Variants in KHDRBS3 observed in about 807,000 individuals in gnomAD.
KHDRBS3 encodes the protein KH RNA binding domain containing, signal transduction associated 3, also known as KH domain-containing, RNA-binding, signal transduction-associated protein 3.
KHDRBS3 carries 23 observed loss-of-function variants against 45.6 expected under a neutral mutation model. That is an observed-to-expected ratio of 0.50 (90% confidence interval 0.36 to 0.72). The LOEUF (loss-of-function observed/expected upper bound fraction) is 0.72. Ranked by LOEUF, KHDRBS3 falls within the 30% of genes least tolerant of loss-of-function variation. The pLI, the probability that KHDRBS3 is intolerant of heterozygous loss-of-function variation, is 0.00. For missense variants in KHDRBS3, 352 were observed against 424.8 expected, an observed-to-expected ratio of 0.83 and a Z score of 1.51; for synonymous variants, 162 against 156.5, an observed-to-expected ratio of 1.04 and a Z score of -0.26.
chr8:135,648,993 A>G (rs565777326), downstream of KHDRBS3, among the ~76,000 whole-genome samples: 40 of 152,314 alleles, frequency 2.6e-4, no homozygotes, highest in Non-Finnish European at 4.3e-4. Context: ...AAAAAATTAC[A>G]CAGATATGCT....
chr8:135,485,830 G>A (rs1348781428), intron 1 of KHDRBS3, among the ~76,000 whole-genome samples: 1 of 109,236 alleles, frequency 9.2e-6, no homozygotes, highest in East Asian at 2.6e-4. Flanking sequence ...AGGATTGATT[G>A]GCATTTCAAG....
At chr8:135,584,959 C>T (rs919269250) in intron 6 of KHDRBS3, among the ~76,000 whole-genome samples, 7 of 151,926 alleles carry the variant, frequency 4.6e-5, no homozygotes, top group African/African-American at 7.3e-5. Context: ...ACGATGCTCA[C>T]GCTTGTAATC....
intron 6 of KHDRBS3, among the ~76,000 whole-genome samples, chr8:135,604,163 AT>A (rs1173915100): frequency 1.3e-5 from 2 of 151,682 alleles, no homozygotes; most frequent in African/African-American, 2.4e-5. Flanking sequence ...TCTTTTTATC[AT>A]TTTTTAAAAT....
At chr8:135,625,394 G>T (rs1222534554) in intron 7 of KHDRBS3, 2 of 804,554 alleles carry the variant, frequency 2.5e-6, no homozygotes, top group South Asian at 1.4e-5. Context: ...ATTGAGTGCT[G>T]CATCAACTCA....
intron 3 of KHDRBS3, among the ~76,000 whole-genome samples, chr8:135,545,255 AG>A (rs1187302181): frequency 1.3e-5 from 2 of 152,088 alleles, no homozygotes; most frequent in East Asian, 3.9e-4. Context: ...GATTGATCGT[AG>A]GCCAGGAGAT....
chr8:135,646,994 G>A lies in KHDRBS3; in HGVS notation c.951G>A (p.Gly317=), dbSNP rs1172413091. ...GLSEETYDSY[G]QEEWTNSRHK... is the part of the protein sequence containing the mutation. ...TGTGATTCATCTTACTGATTGTAGG[G>A]CAAGAAGAGTGGACTAACTCAAGAC... Residue 317 remains glycine (G), a splice_region_variant and synonymous_variant, in exon 9 of 9, where the codon GGG becomes GGA. Coordinates refer to ENST00000355849, the MANE Select transcript of KHDRBS3 (RefSeq NM_006558.3). The A allele has an allele frequency of 9.0e-6, 14 of 1,560,646 alleles. No homozygotes were observed. The Middle Eastern group carries it at 5.0e-4, about 56-fold the overall frequency.
At chr8:135,643,040 G>T (rs929843325) in intron 7 of KHDRBS3, among the ~76,000 whole-genome samples, 1 of 151,978 alleles carries the variant, frequency 6.6e-6, no homozygotes, top group African/African-American at 2.4e-5. Flanking sequence ...TGATCCGCCC[G>T]CCTCAGCCTC....
chr8:135,584,304 T>C (rs948609379), intron 6 of KHDRBS3, among the ~76,000 whole-genome samples: 2 of 152,234 alleles, frequency 1.3e-5, no homozygotes, highest in African/African-American at 4.8e-5. Flanking sequence ...ATTTGCAATT[T>C]TATCAGCTTC....
At chr8:135,605,405 A>C (rs1369566731) in intron 6 of KHDRBS3, among the ~76,000 whole-genome samples, 1 of 152,062 alleles carries the variant, frequency 6.6e-6, no homozygotes, top group African/African-American at 2.4e-5. Context: ...TCCTAGTTCT[A>C]TCTGCTGATG....
intron 7 of KHDRBS3, among the ~76,000 whole-genome samples, chr8:135,621,664 T>TACCAGGCAA (rs1462164459): frequency 6.7e-6 from 1 of 150,194 alleles, no homozygotes; most frequent in African/African-American, 2.5e-5. Flanking sequence ...ATGACCATTC[T>TACCAGGCAA]ACCAGGCAAA....
chr8:135,496,306 C>T (rs955206904), intron 1 of KHDRBS3, among the ~76,000 whole-genome samples: 1 of 150,186 alleles, frequency 6.7e-6, no homozygotes, highest in African/African-American at 2.5e-5. Context: ...GGTCTCGGCT[C>T]ACTGCAGCCT....
intron 7 of KHDRBS3, among the ~76,000 whole-genome samples, chr8:135,640,356 C>A (rs1456502872): frequency 6.6e-6 from 1 of 152,022 alleles, no homozygotes; most frequent in Non-Finnish European, 1.5e-5. Context: ...TCTTCTTAAC[C>A]CCACTCATAG....
At chr8:135,605,823 A>G (rs548526149) in intron 6 of KHDRBS3, among the ~76,000 whole-genome samples, 1 of 152,278 alleles carries the variant, frequency 6.6e-6, no homozygotes, top group South Asian at 2.1e-4. Context: ...AGTAAGTCCA[A>G]TGTCTCAGCT....
intron 4 of KHDRBS3, among the ~76,000 whole-genome samples, chr8:135,554,285 G>A (rs1233890273): frequency 6.6e-6 from 1 of 152,018 alleles, no homozygotes. Context: ...TTTTTGAATA[G>A]GGCCTTGACT....
At chr8:135,507,145 T>G (rs144088227) in intron 1 of KHDRBS3, among the ~76,000 whole-genome samples, 287 of 152,348 alleles carry the variant, frequency 1.9e-3, no homozygotes, top group African/African-American at 6.5e-3. Context: ...GGCAAATTCT[T>G]CAAACGGATC....
chr8:135,597,225 G>A (rs772714558), intron 6 of KHDRBS3, among the ~76,000 whole-genome samples: 1 of 152,150 alleles, frequency 6.6e-6, no homozygotes, highest in Non-Finnish European at 1.5e-5. Flanking sequence ...GGCAGGGACT[G>A]GAGGGCCAGG....
chr8:135,630,065 G>A (rs375346603), intron 7 of KHDRBS3, among the ~76,000 whole-genome samples: 8 of 152,200 alleles, frequency 5.3e-5, no homozygotes, highest in African/African-American at 1.9e-4. Context: ...CATGATCTGG[G>A]GCAGAGAGGG....
At chr8:135,587,141 C>A (rs551053317) in intron 6 of KHDRBS3, among the ~76,000 whole-genome samples, 27 of 152,214 alleles carry the variant, frequency 1.8e-4, no homozygotes, top group African/African-American at 5.8e-4. Flanking sequence ...TAAAATGTGC[C>A]TATTGAAATT....
rs1831221226 is a variant in KHDRBS3 at position 135,644,984 on chromosome 8, A to G, written c.891-75A>G. ...CCTTCATTAGTTGTCTTTAAGTTTT[A>G]CAATACGTTATTGAATACTGTTGAA... On this transcript the variant is annotated intron_variant, in intron 7 of 8. Transcript: ENST00000355849. The G allele has an allele frequency of 3.4e-6, 5 of 1,484,304 alleles. No homozygotes were observed. In the African/African-American group the frequency reaches 4.1e-5, roughly 12 times the overall value. 91.9% of individuals were successfully genotyped at this position (1,484,304 alleles called of 1,614,324 possible).
Sources: allele counts gnomAD v4.1 joint callset (sites outside exome capture counted in the v4.1 genomes callset), GRCh38; gene constraint gnomAD v4.1.1; transcripts MANE v1.5; gene names NCBI Gene and HGNC (gene_info 2026-07-23, HGNC 2026-07-21).